Variants in ASXL3 observed in about 807,000 individuals in gnomAD.
ASXL3 encodes ASXL transcriptional regulator 3, also known as putative Polycomb group protein ASXL3.
In ASXL3, 34 loss-of-function variants were observed where a neutral mutation model predicts 170.6. That is an observed-to-expected ratio of 0.20 (90% CI 0.15 to 0.27). The LOEUF (loss-of-function observed/expected upper bound fraction) is 0.27, where lower values mean the gene tolerates loss of function less well. ASXL3 is among the 10% of genes least tolerant of loss of function. ASXL3 has a pLI of 1.00. For synonymous variants in ASXL3, 1,002 were observed against 989.1 expected, an observed-to-expected ratio of 1.01 and a Z score of -0.24; for missense variants, 2,592 against 2,695.3, an observed-to-expected ratio of 0.96 and a Z score of 0.85.
chr18:33,711,281 T>C (rs2067057915), intron 8 of ASXL3, among the ~76,000 whole-genome samples: 1 of 152,190 alleles, frequency 6.6e-6, no homozygotes. Context: ...GCTTTCTCTT[T>C]TTTATGCGCT....
At chr18:33,701,614 A>C (rs1004411952) in intron 8 of ASXL3, among the ~76,000 whole-genome samples, 5 of 151,872 alleles carry the variant, frequency 3.3e-5, no homozygotes, top group African/African-American at 4.8e-5. Context: ...ATATTATTCT[A>C]GTTCTCTTGT....
chr18:33,681,409 A>C (rs1213002854), intron 7 of ASXL3, among the ~76,000 whole-genome samples: 1 of 152,144 alleles, frequency 6.6e-6, no homozygotes, highest in East Asian at 1.9e-4. Flanking sequence ...TTAGGATACC[A>C]AAAACATTCT....
Position 33,732,073 on chromosome 18 carries a change from G to A in ASXL3, c.976+9G>A. On this transcript the variant is annotated intron_variant, in intron 9 of 11. Transcript: ENST00000269197. ...ACAGCGACTGGCAGAAGGTAAATTT[G>A]TATTTTCTATTATTATGTGACATAT... 6.2e-7 allele frequency: 1 copy of A among 1,605,340 alleles called. No individual in the cohort carries two copies. Among genetic ancestry groups the A allele is most frequent in the Non-Finnish European group, 8.5e-7 (1 of 1,173,704 alleles).
At chr18:33,665,932 T>C (rs767596146) in intron 5 of ASXL3, among the ~76,000 whole-genome samples, 1 of 152,184 alleles carries the variant, frequency 6.6e-6, no homozygotes, top group Non-Finnish European at 1.5e-5. Flanking sequence ...TGTGTTTCCT[T>C]TGAAAAGTGC....
chr18:33,654,983 C>T (rs2066060091), intron 4 of ASXL3, among the ~76,000 whole-genome samples: 1 of 151,982 alleles, frequency 6.6e-6, no homozygotes, highest in Non-Finnish European at 1.5e-5. Flanking sequence ...CTTATAGCTA[C>T]GTCTTATGTA....
chr18:33,643,466 C>T (rs1053995259), intron 2 of ASXL3, among the ~76,000 whole-genome samples: 1 of 151,834 alleles, frequency 6.6e-6, no homozygotes, highest in African/African-American at 2.4e-5. Flanking sequence ...CTGCATTGTT[C>T]TGTGACCAAA....
rs1281184672 is a variant in ASXL3 at position 33,739,690 on chromosome 18, G to A, written c.2286G>A (p.Glu762=). ...TSPISNSSIN[E]RMAHQQRKSP... ...CAATTTCCAACTCTTCCATAAATGA[G>A]AGAATGGCACATCAGCAAAGAAAGT... The change falls in exon 11 of 12, where the codon GAG becomes GAA. Residue 762 remains glutamate (E), a synonymous_variant. Coordinates refer to ENST00000269197, the MANE Select transcript of ASXL3 (RefSeq NM_030632.3). 1 of 1,613,840 alleles carries A rather than the reference G, an allele frequency of 6.2e-7. No homozygotes were observed. The highest frequency in any genetic ancestry group is 1.7e-5 in the Admixed American group (1 of 60,008).
At chr18:33,710,884 G>T (rs1004806014) in intron 8 of ASXL3, among the ~76,000 whole-genome samples, 2 of 151,812 alleles carry the variant, frequency 1.3e-5, no homozygotes, top group Non-Finnish European at 2.9e-5. Context: ...GTTTTTGTTT[G>T]GGGGGGAACA....
At chr18:33,657,820 G>A (rs2066108117) in intron 4 of ASXL3, among the ~76,000 whole-genome samples, 1 of 152,058 alleles carries the variant, frequency 6.6e-6, no homozygotes, top group South Asian at 2.1e-4. Context: ...TATGCTTTTG[G>A]CTTGCCTATT....
At chr18:33,700,206 C>T (rs963351365) in intron 8 of ASXL3, among the ~76,000 whole-genome samples, 15 of 152,070 alleles carry the variant, frequency 9.9e-5, no homozygotes, top group Non-Finnish European at 1.9e-4. Flanking sequence ...ATAGAGTTCC[C>T]TTTGAGAGGG....
chr18:33,581,866 G>C (rs1462740580), intron 1 of ASXL3, among the ~76,000 whole-genome samples: 1 of 152,170 alleles, frequency 6.6e-6, no homozygotes, highest in Admixed American at 6.5e-5. Context: ...ATTTGCCTGT[G>C]TTTTCAGGAA....
chr18:33,648,420 G>A (rs1022870340), intron 4 of ASXL3, among the ~76,000 whole-genome samples: 1 of 152,122 alleles, frequency 6.6e-6, no homozygotes, highest in African/African-American at 2.4e-5. Context: ...GTTTGAGTAT[G>A]TGAGCAAGTT....
At chr18:33,645,436 T>C (rs2065902820) in intron 3 of ASXL3, among the ~76,000 whole-genome samples, 1 of 151,950 alleles carries the variant, frequency 6.6e-6, no homozygotes, top group Admixed American at 6.6e-5. Flanking sequence ...GAATTAAATC[T>C]AGTATTCAAT....
chr18:33,721,444 C>T, intron 8 of ASXL3, among the ~76,000 whole-genome samples: 1 of 151,896 alleles, frequency 6.6e-6, no homozygotes, highest in Admixed American at 6.6e-5. Context: ...ATGCATGTTC[C>T]ATGTATGTGT....
chr18:33,595,928 T>C (rs1382319694), intron 1 of ASXL3, among the ~76,000 whole-genome samples: 1 of 152,194 alleles, frequency 6.6e-6, no homozygotes, highest in Non-Finnish European at 1.5e-5. Flanking sequence ...ATGTAACAGC[T>C]TCCATTCAAA....
At chr18:33,596,525 A>T (rs2065128545) in intron 1 of ASXL3, among the ~76,000 whole-genome samples, 1 of 152,224 alleles carries the variant, frequency 6.6e-6, no homozygotes, top group South Asian at 2.1e-4. Context: ...CATATAACAA[A>T]GTCATTTTAT....
intron 8 of ASXL3, among the ~76,000 whole-genome samples, chr18:33,706,739 A>T (rs2066965668): frequency 6.6e-6 from 1 of 151,618 alleles, no homozygotes; most frequent in Non-Finnish European, 1.5e-5. Context: ...GTCCTTTGTC[A>T]AATATATTGT....
At chr18:33,612,184 C>CATATATATAT (rs112285121) in intron 2 of ASXL3, among the ~76,000 whole-genome samples, 8 of 149,906 alleles carry the variant, frequency 5.3e-5, no homozygotes, top group African/African-American at 2.0e-4. Context: ...TAAAATTAAA[C>CATATATATAT]ATATATATAT....
intron 8 of ASXL3, among the ~76,000 whole-genome samples, chr18:33,703,343 T>A (rs1230805370): frequency 6.6e-6 from 1 of 152,240 alleles, no homozygotes; most frequent in African/African-American, 2.4e-5. Flanking sequence ...AGAAGTAACA[T>A]TTTTGCTTTA....
Sources: allele counts gnomAD v4.1 joint callset (sites outside exome capture counted in the v4.1 genomes callset), GRCh38; gene constraint gnomAD v4.1.1; transcripts MANE v1.5; gene names NCBI Gene and HGNC (gene_info 2026-07-23, HGNC 2026-07-21).